OPCML: variants seen among roughly 807,000 people sequenced by gnomAD.
OPCML encodes the protein opioid binding protein/cell adhesion molecule like, also known as opioid-binding protein/cell adhesion molecule.
A neutral mutation model predicts 37.8 loss-of-function variants in OPCML; 13 were observed. The observed-to-expected ratio is 0.34, with a 90% CI of 0.22 to 0.55. The LOEUF is 0.55. Ranked by LOEUF, OPCML falls within the 20% of genes least tolerant of loss-of-function variation. The pLI, the probability that OPCML is intolerant of heterozygous loss-of-function variation, is 0.91. For missense variants in OPCML, 341 were observed against 435.6 expected, an observed-to-expected ratio of 0.78 and a Z score of 1.93; for synonymous variants, 176 against 168.8, an observed-to-expected ratio of 1.04 and a Z score of -0.33.
At chr11:132,483,609 G>A (rs2137030753) in intron 4 of OPCML, among the ~76,000 whole-genome samples, 1 of 152,274 alleles carries the variant, frequency 6.6e-6, no homozygotes, top group African/African-American at 2.4e-5. Flanking sequence ...GCATCGCCAA[G>A]TCAGTCCTAA....
intron 2 of OPCML, among the ~76,000 whole-genome samples, chr11:132,666,918 G>A (rs892368930): frequency 6.6e-6 from 1 of 152,182 alleles, no homozygotes; most frequent in African/African-American, 2.4e-5. Flanking sequence ...AGAATAGACT[G>A]TAGCAGGGCC....
At chr11:132,517,512 G>A (rs1050264926) in intron 4 of OPCML, among the ~76,000 whole-genome samples, 1 of 152,174 alleles carries the variant, frequency 6.6e-6, no homozygotes, top group Non-Finnish European at 1.5e-5. Flanking sequence ...GAACCAGGCT[G>A]CTTATTATTT....
At chr11:132,776,572 C>A (rs1334757384) in intron 2 of OPCML, among the ~76,000 whole-genome samples, 2 of 150,612 alleles carry the variant, frequency 1.3e-5, no homozygotes, top group African/African-American at 4.9e-5. Flanking sequence ...AGCACTTCCC[C>A]CTCTCTCTCT....
At chr11:133,170,986 A>G (rs374487650) in intron 1 of OPCML, among the ~76,000 whole-genome samples, 54 of 152,346 alleles carry the variant, frequency 3.5e-4, no homozygotes, top group African/African-American at 1.3e-3. Flanking sequence ...TCTCCTCTAT[A>G]AGACAGGATC....
chr11:133,386,493 C>T (rs1026876755), intron 1 of OPCML, among the ~76,000 whole-genome samples: 1 of 152,188 alleles, frequency 6.6e-6, no homozygotes, highest in African/African-American at 2.4e-5. Context: ...CTTTTTCTGT[C>T]TCACAAGCGC....
intron 1 of OPCML, among the ~76,000 whole-genome samples, chr11:133,329,160 AC>A (rs1943555828): frequency 6.6e-6 from 1 of 152,182 alleles, no homozygotes; most frequent in South Asian, 2.1e-4. Context: ...AGAACTACAA[AC>A]CACTGCTCAA....
At chr11:133,250,833 A>T (rs952062128) in intron 1 of OPCML, among the ~76,000 whole-genome samples, 3 of 152,174 alleles carry the variant, frequency 2.0e-5, no homozygotes, top group Non-Finnish European at 4.4e-5. Context: ...TCTTTAATTT[A>T]AACTATGACT....
At chr11:133,396,188 T>C (rs1945282927) in intron 1 of OPCML, among the ~76,000 whole-genome samples, 1 of 152,156 alleles carries the variant, frequency 6.6e-6, no homozygotes, top group Non-Finnish European at 1.5e-5. Context: ...TGTTCATTGT[T>C]GGCATAGAGA....
intron 2 of OPCML, among the ~76,000 whole-genome samples, chr11:132,714,403 G>T (rs762337533): frequency 5.3e-5 from 8 of 152,088 alleles, no homozygotes; most frequent in Non-Finnish European, 1.0e-4. Context: ...TAATATGTGC[G>T]GCACAGAGTA....
In OPCML at chr11:132,995,479, C is replaced by CTCCTTCCT. The variant is rs150751221; in HGVS notation, c.62-52477_62-52470dup. On this transcript the variant is annotated intron_variant, in intron 1 of 7. Coordinates refer to ENST00000524381, the MANE Select transcript of OPCML (RefSeq NM_001012393.5). ...CCTCCCTCCCTTCTTCCCTCTGTCT[C>CTCCTTCCT]TCCTTCCTTCCTTCCTTCCTTTTTT... Among the ~76,000 whole-genome samples the CTCCTTCCT allele has an allele frequency of 1.5e-3, 217 of 149,480 alleles. 1 individual carries two copies. Among genetic ancestry groups the CTCCTTCCT allele is most frequent in the African/African-American group, 5.1e-3 (210 of 40,928 alleles).
chr11:133,205,694 G>GA lies in OPCML; in HGVS notation c.62-262685dup, dbSNP rs1218155931. ...TGCGTTGCGTGAGACAAGAGAGTAG[G>GA]AAAAACATTTAGTATTTTTTTTCCT... On this transcript the variant is annotated intron_variant, in intron 1 of 7. Coordinates refer to ENST00000524381, the MANE Select transcript of OPCML (RefSeq NM_001012393.5). This position sits in a 1 kb window ranked among gnomAD's most constrained non-coding sequence, Gnocchi z 4.8. Among the ~76,000 whole-genome samples the GA allele has an allele frequency of 2.6e-5, 4 of 152,204 alleles. No homozygotes were observed. Among genetic ancestry groups the GA allele is most frequent in the Non-Finnish European group, 5.9e-5 (4 of 68,030 alleles).
intron 3 of OPCML, among the ~76,000 whole-genome samples, chr11:132,583,795 G>A (rs911995469): frequency 6.6e-6 from 1 of 151,824 alleles, no homozygotes; most frequent in African/African-American, 2.4e-5. Flanking sequence ...TGTGTTTTTA[G>A]TAGAGATGGA....
In OPCML at chr11:133,219,785, TA is replaced by T. The variant is rs560214108; in HGVS notation, c.62-276776del. Among the ~76,000 whole-genome samples the T allele has an allele frequency of 3.2e-3, 455 of 141,096 alleles. 2 individuals are homozygous for T. The highest frequency in any genetic ancestry group is 5.7e-3 in the Non-Finnish European group (369 of 64,524). The allele number at this position is 141,096 out of a possible 152,430, so 92.6% of individuals were successfully genotyped here. ...TTTGGCAATGCTTGGAGACCTTTTT[TA>T]TGATCACAGTTTGGGGAGGGGGGTG... On this transcript the variant is annotated intron_variant, in intron 1 of 7. Coordinates refer to ENST00000524381, the MANE Select transcript of OPCML (RefSeq NM_001012393.5).
chr11:133,241,981 C>A (rs1404859969), intron 1 of OPCML, among the ~76,000 whole-genome samples: 2 of 152,210 alleles, frequency 1.3e-5, no homozygotes, highest in Admixed American at 1.3e-4. Context: ...ACATCTTTTT[C>A]TGCAATCTTT....
chr11:132,658,772 C>T (rs898776739), intron 2 of OPCML, among the ~76,000 whole-genome samples: 5 of 152,096 alleles, frequency 3.3e-5, no homozygotes, highest in African/African-American at 1.2e-4. Context: ...GATACAGACC[C>T]ATCTAACCAT....
At chr11:133,362,503 T>C (rs1944445712) in intron 1 of OPCML, among the ~76,000 whole-genome samples, 1 of 152,162 alleles carries the variant, frequency 6.6e-6, no homozygotes, top group Admixed American at 6.5e-5. Flanking sequence ...TTCCTTGATG[T>C]CCTACAAAGA....
intron 1 of OPCML, among the ~76,000 whole-genome samples, chr11:132,991,491 A>G (rs956911708): frequency 5.3e-5 from 8 of 152,254 alleles, no homozygotes; most frequent in Non-Finnish European, 8.8e-5. Flanking sequence ...GGTGCTTATC[A>G]TTAAATTTGA....
At chr11:132,510,280 T>G (rs1490319136) in intron 4 of OPCML, among the ~76,000 whole-genome samples, 1 of 152,160 alleles carries the variant, frequency 6.6e-6, no homozygotes, top group Non-Finnish European at 1.5e-5. Flanking sequence ...TACAGGCTCA[T>G]AGGTGGAAGG....
chr11:132,614,933 C>T (rs1938899856), intron 3 of OPCML, among the ~76,000 whole-genome samples: 1 of 152,182 alleles, frequency 6.6e-6, no homozygotes, highest in South Asian at 2.1e-4. Context: ...ACTGTACTGC[C>T]TGACAGTTTT....
Sources: allele counts gnomAD v4.1 joint callset (sites outside exome capture counted in the v4.1 genomes callset), GRCh38; gene constraint gnomAD v4.1.1; non-coding constraint Gnocchi (gnomAD v3.1); transcripts MANE v1.5; gene names NCBI Gene and HGNC (gene_info 2026-07-23, HGNC 2026-07-21).